PPP1R16B: variants seen among roughly 807,000 people sequenced by gnomAD.
PPP1R16B encodes protein phosphatase 1 regulatory subunit 16B, also known as protein phosphatase 1 regulatory inhibitor subunit 16B.
Under a neutral mutation model 61.7 loss-of-function variants are expected in PPP1R16B, and 14 were observed. The observed-to-expected ratio is 0.23, with a 90% confidence interval of 0.15 to 0.35. The LOEUF (loss-of-function observed/expected upper bound fraction) is 0.35. PPP1R16B is among the 10% of genes least tolerant of loss of function. The probability of loss-of-function intolerance (pLI) is 1.00; values close to 1 mark genes in which losing one functional copy is unlikely to be tolerated. For missense variants in PPP1R16B, 547 were observed against 752.5 expected, an observed-to-expected ratio of 0.73 and a Z score of 3.19; for synonymous variants, 266 against 305.3, an observed-to-expected ratio of 0.87 and a Z score of 1.34.
intron 2 of PPP1R16B, among the ~76,000 whole-genome samples, chr20:38,870,918 C>T (rs920155763): frequency 1.3e-5 from 2 of 152,092 alleles, no homozygotes; most frequent in Non-Finnish European, 2.9e-5. Context: ...GCATGTAATT[C>T]CTGCAGTGAT....
At chr20:38,853,023 C>T (rs1339955281) in intron 2 of PPP1R16B, among the ~76,000 whole-genome samples, 8 of 152,016 alleles carry the variant, frequency 5.3e-5, no homozygotes, top group African/African-American at 1.9e-4. Flanking sequence ...CCATTCCCCT[C>T]GGTCTCCCAA....
At chr20:38,908,765 C>T (rs1357227390) in intron 10 of PPP1R16B, among the ~76,000 whole-genome samples, 5 of 152,166 alleles carry the variant, frequency 3.3e-5, no homozygotes, top group Admixed American at 1.3e-4. Context: ...AACTGGATGG[C>T]TTAACATGGT....
intron 10 of PPP1R16B, among the ~76,000 whole-genome samples, chr20:38,916,144 T>C (rs1397275044): frequency 2.7e-5 from 4 of 149,154 alleles, no homozygotes; most frequent in Non-Finnish European, 5.9e-5. Flanking sequence ...GGTGGGAGAA[T>C]CATTTGAGAC....
chr20:38,824,917 C>T (rs2084796432), intron 1 of PPP1R16B, among the ~76,000 whole-genome samples: 1 of 152,140 alleles, frequency 6.6e-6, no homozygotes, highest in South Asian at 2.1e-4. Context: ...TCACTTGAAC[C>T]CAGGAGGCAG....
intron 2 of PPP1R16B, among the ~76,000 whole-genome samples, chr20:38,854,847 C>A (rs184681020): frequency 1.3e-5 from 2 of 152,322 alleles, no homozygotes; most frequent in Non-Finnish European, 2.9e-5. Context: ...AGATTAACAT[C>A]TCTTCCTTTT....
intron 2 of PPP1R16B, among the ~76,000 whole-genome samples, chr20:38,869,283 C>T (rs955177892): frequency 6.6e-6 from 1 of 151,882 alleles, no homozygotes; most frequent in Non-Finnish European, 1.5e-5. Flanking sequence ...CTCAGCCTCC[C>T]GAGTAGCTGG....
At chr20:38,874,245 G>A (rs2085150627) in intron 2 of PPP1R16B, among the ~76,000 whole-genome samples, 1 of 152,164 alleles carries the variant, frequency 6.6e-6, no homozygotes, top group Admixed American at 6.5e-5. Flanking sequence ...AACTGTATCT[G>A]GTGCTGCTAT....
At chr20:38,809,054 A>AGAAG (rs1215512836) in intron 1 of PPP1R16B, among the ~76,000 whole-genome samples, 1 of 150,734 alleles carries the variant, frequency 6.6e-6, no homozygotes, top group Non-Finnish European at 1.5e-5. Flanking sequence ...GAAAAAAAAA[A>AGAAG]GTGCTCAGTA....
Position 38,885,171 on chromosome 20 carries a change from T to G in PPP1R16B, c.251-4424T>G, listed in dbSNP as rs185812343. Among the ~76,000 whole-genome samples, 562 of 150,774 alleles carry G rather than the reference T, an allele frequency of 3.7e-3. 6 individuals carry two copies. The highest frequency in any genetic ancestry group is 0.013 in the African/African-American group (515 of 41,064). ...GAGTTTGAGACCAGCCTGGTCAACA[T>G]AGTGAGACCCCCATCCCTATATTAA... On this transcript the variant is annotated intron_variant, in intron 2 of 10. Coordinates refer to ENST00000299824, the MANE Select transcript of PPP1R16B (RefSeq NM_015568.4).
At chr20:38,856,540 C>T (rs2085010064) in intron 2 of PPP1R16B, among the ~76,000 whole-genome samples, 1 of 152,084 alleles carries the variant, frequency 6.6e-6, no homozygotes, top group Non-Finnish European at 1.5e-5. Flanking sequence ...TCTCTCAGCC[C>T]CTCAAAGGAT....
chr20:38,915,655 T>C (rs1012928305), intron 10 of PPP1R16B, among the ~76,000 whole-genome samples: 1 of 152,152 alleles, frequency 6.6e-6, no homozygotes, highest in Non-Finnish European at 1.5e-5. Context: ...TGTCTAATTT[T>C]TGTGTTTTTC....
At chr20:38,861,000 C>T (rs766475080) in intron 2 of PPP1R16B, among the ~76,000 whole-genome samples, 1 of 152,166 alleles carries the variant, frequency 6.6e-6, no homozygotes, top group Admixed American at 6.5e-5. Context: ...TCCAGTAGTG[C>T]CCATCTTCCC....
chr20:38,850,196 CT>C (rs2084959351), intron 2 of PPP1R16B, among the ~76,000 whole-genome samples: 1 of 152,154 alleles, frequency 6.6e-6, no homozygotes, highest in Admixed American at 6.5e-5. Flanking sequence ...AGAATGGAAC[CT>C]CATTGGCTAT....
At chr20:38,817,579 A>G (rs2084744813) in intron 1 of PPP1R16B, among the ~76,000 whole-genome samples, 1 of 151,828 alleles carries the variant, frequency 6.6e-6, no homozygotes, top group African/African-American at 2.4e-5. Flanking sequence ...AAAAAAAAAA[A>G]AAAAAGACAT....
At chr20:38,833,812 C>A (rs930852321) in intron 1 of PPP1R16B, among the ~76,000 whole-genome samples, 99 of 152,206 alleles carry the variant, frequency 6.5e-4, no homozygotes, top group African/African-American at 2.3e-3. Flanking sequence ...AGTCTCCGAG[C>A]TGGGAGAGAC....
chr20:38,819,074 C>T (rs996165796), intron 1 of PPP1R16B, among the ~76,000 whole-genome samples: 1 of 152,042 alleles, frequency 6.6e-6, no homozygotes, highest in Non-Finnish European at 1.5e-5. Flanking sequence ...TGTACCTGAC[C>T]CCTTGTAATT....
At chr20:38,884,903 C>T (rs192050998) in intron 2 of PPP1R16B, among the ~76,000 whole-genome samples, 122 of 152,004 alleles carry the variant, frequency 8.0e-4, no homozygotes, top group African/African-American at 2.8e-3. Context: ...AACCCCGTCT[C>T]TACTAAAAAT....
chr20:38,879,408 T>A (rs1276855053), intron 2 of PPP1R16B, among the ~76,000 whole-genome samples: 1 of 152,126 alleles, frequency 6.6e-6, no homozygotes, highest in East Asian at 1.9e-4. Context: ...AATACACAAA[T>A]GTCCCCTCAC....
At chr20:38,906,130 C>T (rs2085439892) in intron 7 of PPP1R16B, 36 bp downstream of exon 7, 1 of 1,600,948 alleles carries the variant, frequency 6.2e-7, no homozygotes, top group African/African-American at 1.3e-5. Context: ...GGGAGGCCGG[C>T]ACAGGGCTAA....
Sources: allele counts gnomAD v4.1 joint callset (sites outside exome capture counted in the v4.1 genomes callset), GRCh38; gene constraint gnomAD v4.1.1; transcripts MANE v1.5; gene names NCBI Gene and HGNC (gene_info 2026-07-23, HGNC 2026-07-21).